GFOD1: variants seen among roughly 807,000 people sequenced by gnomAD.
The protein encoded by GFOD1 is Gfo/Idh/MocA-like oxidoreductase domain containing 1.
GFOD1 carries 9 observed loss-of-function variants against 25.4 expected under a neutral mutation model. The ratio of observed to expected loss-of-function variants is 0.35; its 90% CI spans 0.21 to 0.62. GFOD1 has a LOEUF of 0.62. Ranked by LOEUF, GFOD1 falls within the 20% of genes least tolerant of loss-of-function variation. GFOD1 has a pLI of 0.72. For synonymous variants in GFOD1, 253 were observed against 245.6 expected (o/e 1.03, Z -0.28); for missense variants, 403 against 556.9 (o/e 0.72, Z 2.78).
chr6:13,366,181 T>A (rs1456612486), intron 1 of GFOD1, among the ~76,000 whole-genome samples: 2 of 152,136 alleles, frequency 1.3e-5, no homozygotes, highest in Non-Finnish European at 2.9e-5. Context: ...TAATTTGTTG[T>A]TTTTTGTTTG....
intron 1 of GFOD1, among the ~76,000 whole-genome samples, chr6:13,473,226 A>G (rs916539132): frequency 1.3e-5 from 2 of 152,160 alleles, no homozygotes; most frequent in African/African-American, 4.8e-5. Flanking sequence ...TCAGGTCTCA[A>G]CTGTATAACA....
At chr6:13,461,674 G>A (rs1421933017) in intron 1 of GFOD1, among the ~76,000 whole-genome samples, 2 of 152,150 alleles carry the variant, frequency 1.3e-5, no homozygotes, top group African/African-American at 4.8e-5. Context: ...TTAAGCTGGT[G>A]TGTACCAGGG....
At position 13,434,571 on chromosome 6, in the gene GFOD1, T is replaced by G. The variant is rs11753385; in HGVS notation, c.253+52067A>C. Among the ~76,000 whole-genome samples the G allele has an allele frequency of 2.1e-3, 235 of 109,484 alleles. 1 individual carries two copies. The highest frequency in any genetic ancestry group is 0.02 in the Middle Eastern group (3 of 152). 71.8% of individuals were successfully genotyped at this position (109,484 alleles called of 152,430 possible). ...GGAACACAGAAGTCAAGTGCAAGGC[T>G]TTATGGGAATACAGAAGTCAAGTGC... On this transcript the variant is annotated intron_variant, in intron 1 of 1. Coordinates refer to ENST00000379287, the MANE Select transcript of GFOD1 (RefSeq NM_018988.4).
intron 1 of GFOD1, among the ~76,000 whole-genome samples, chr6:13,462,944 T>G (rs547858582): frequency 1.7e-4 from 26 of 152,308 alleles, no homozygotes; most frequent in African/African-American, 4.6e-4. Context: ...CTGTTCAGGT[T>G]GCAAATGCCA....
chr6:13,363,228 T>C lies in GFOD1; in HGVS notation c.*1515A>G, dbSNP rs1440003203. The C allele has an allele frequency of 6.6e-6, 1 of 151,942 alleles. No homozygotes were observed. The highest frequency in any genetic ancestry group is 2.4e-5 in the African/African-American group (1 of 41,302). 9.4% of individuals were successfully genotyped at this position (151,942 alleles called of 1,614,324 possible). A position where few individuals can be genotyped will look rare whatever the true frequency, so the allele number is the denominator to read the frequency against. On this transcript the variant is annotated 3_prime_UTR_variant, in exon 2 of 2. Coordinates refer to ENST00000379287, the MANE Select transcript of GFOD1 (RefSeq NM_018988.4). ...TCAAAAATCTGTGTGTGTGTGTGTGTGTGTGTGTGTGCACGTGCATGTGTG... is the reference window on the plus strand; with the variant it reads ...TCAAAAATCTGTGTGTGTGTGTGTGCGTGTGTGTGTGCACGTGCATGTGTG...
intron 1 of GFOD1, among the ~76,000 whole-genome samples, chr6:13,417,329 A>G (rs1786179642): frequency 6.6e-6 from 1 of 152,056 alleles, no homozygotes. Context: ...AATTTTTTGT[A>G]TTTTTAGTAG....
chr6:13,449,864 T>C (rs1176720451), intron 1 of GFOD1, among the ~76,000 whole-genome samples: 1 of 152,206 alleles, frequency 6.6e-6, no homozygotes, highest in Non-Finnish European at 1.5e-5. Flanking sequence ...ATCAACAGCA[T>C]GAAAACATAC....
intron 1 of GFOD1, among the ~76,000 whole-genome samples, chr6:13,392,540 T>C (rs1239839004): frequency 1.3e-5 from 2 of 152,138 alleles, no homozygotes; most frequent in Non-Finnish European, 2.9e-5. Flanking sequence ...CAGCAAGTTT[T>C]TGTATCACTA....
chr6:13,438,738 GA>G (rs1757870179), intron 1 of GFOD1, among the ~76,000 whole-genome samples: 1 of 152,026 alleles, frequency 6.6e-6, no homozygotes, highest in Non-Finnish European at 1.5e-5. Context: ...ACTGATCTAG[GA>G]TTCAACCCAA....
intron 1 of GFOD1, among the ~76,000 whole-genome samples, chr6:13,366,795 A>C (rs1443282595): frequency 6.6e-6 from 1 of 152,100 alleles, no homozygotes; most frequent in Non-Finnish European, 1.5e-5. Flanking sequence ...CCAAAAGGCC[A>C]TGACTTACTT....
At chr6:13,405,334 GA>G (rs1420053884) in intron 1 of GFOD1, among the ~76,000 whole-genome samples, 2 of 152,130 alleles carry the variant, frequency 1.3e-5, no homozygotes, top group African/African-American at 2.4e-5. Flanking sequence ...TAATTAAGGG[GA>G]AAAAACAGGT....
intron 1 of GFOD1, among the ~76,000 whole-genome samples, chr6:13,419,467 T>C (rs1377362400): frequency 1.3e-5 from 2 of 152,112 alleles, no homozygotes; most frequent in Non-Finnish European, 2.9e-5. Flanking sequence ...ACTGTGGCAG[T>C]AGCTGCTGGT....
intron 1 of GFOD1, among the ~76,000 whole-genome samples, chr6:13,483,594 A>G (rs1758802930): frequency 6.6e-6 from 1 of 152,200 alleles, no homozygotes; most frequent in South Asian, 2.1e-4. Flanking sequence ...CCTAGTTCAG[A>G]AACTACGAAA....
chr6:13,397,863 T>A (rs1410185011), intron 1 of GFOD1, among the ~76,000 whole-genome samples: 1 of 152,200 alleles, frequency 6.6e-6, no homozygotes, highest in Non-Finnish European at 1.5e-5. Flanking sequence ...ATAAACACTG[T>A]CACATTTGGA....
intron 1 of GFOD1, among the ~76,000 whole-genome samples, chr6:13,472,613 C>T (rs1026504902): frequency 1.3e-5 from 2 of 152,148 alleles, no homozygotes; most frequent in Non-Finnish European, 2.9e-5. Flanking sequence ...AGGATTCAAC[C>T]CCGGGCAGTG....
intron 1 of GFOD1, chr6:13,469,306 T>C: frequency 1.0e-6 from 1 of 984,974 alleles, no homozygotes; most frequent in Non-Finnish European, 1.2e-6. Flanking sequence ...CCATTTATTT[T>C]AGCCTCTTCA....
chr6:13,372,571 C>T (rs1171990130), intron 1 of GFOD1, among the ~76,000 whole-genome samples: 1 of 152,178 alleles, frequency 6.6e-6, no homozygotes, highest in African/African-American at 2.4e-5. Flanking sequence ...AATGGTACCC[C>T]TGGGAGTCTG....
chr6:13,426,769 AGC>A (rs1786360228), intron 1 of GFOD1, among the ~76,000 whole-genome samples: 1 of 152,214 alleles, frequency 6.6e-6, no homozygotes, highest in Admixed American at 6.5e-5. Context: ...GCTAACAACC[AGC>A]AAGGCCAGAG....
intron 1 of GFOD1, among the ~76,000 whole-genome samples, chr6:13,407,123 A>G (rs2127564875): frequency 6.6e-6 from 1 of 152,106 alleles, no homozygotes; most frequent in African/African-American, 2.4e-5. Flanking sequence ...GAAGGCAAAG[A>G]CAATACTCTA....
Sources: gnomAD v4.1 joint callset for allele counts (sites outside exome capture counted in the v4.1 genomes callset) on GRCh38, gnomAD v4.1.1 for gene constraint, MANE v1.5 for transcripts, NCBI Gene and HGNC (gene_info 2026-07-23, HGNC 2026-07-21) for gene names.